The following HBS1L variants were observed in gnomAD, a reference collection of about 807,000 sequenced individuals.
HBS1L encodes HBS1-like protein.
In HBS1L, 55 loss-of-function variants were observed where a neutral mutation model predicts 88.9. The ratio of observed to expected loss-of-function variants is 0.62; its 90% CI spans 0.50 to 0.77. HBS1L has a LOEUF of 0.77. HBS1L is among the 30% of genes least tolerant of loss of function. HBS1L has a pLI of 0.00. For synonymous variants in HBS1L, 267 were observed against 288.5 expected (o/e 0.93, Z 0.76); for missense variants, 741 against 829.3 (o/e 0.89, Z 1.31).
At chr6:135,036,948 T>C (rs1377767060) in intron 4 of HBS1L, 1 of 1,551,508 alleles carries the variant, frequency 6.4e-7, no homozygotes, top group Admixed American at 2.0e-5. Flanking sequence ...CTACAGGCTT[T>C]GGAACAAAAT....
At chr6:134,975,352 G>A (rs77048658) in intron 15 of HBS1L, among the ~76,000 whole-genome samples, 5,493 of 152,042 alleles carry the variant, frequency 0.036, 346 homozygotes, top group African/African-American at 0.13. Flanking sequence ...CTACAGATTT[G>A]GTGCAAATCC....
rs143108150 is a variant in HBS1L, at chr6:135,021,843, C to A, written c.430+17730G>T. 4.8e-3 allele frequency among the ~76,000 whole-genome samples: 735 copies of A among 152,138 alleles called. 4 individuals are homozygous for A. The highest frequency in any genetic ancestry group is 7.8e-3 in the Non-Finnish European group (531 of 67,974). ...CTCACCTTAAAGGTTCTTATAATGA[C>A]CAAATAAAACATATACAAAGCCTGA... On this transcript the variant is annotated intron_variant, in intron 4 of 17. Transcript: ENST00000367837.
At position 135,039,659 on chromosome 6, in the gene HBS1L, G is replaced by A. The variant is rs758435155; in HGVS notation, c.344C>T (p.Ala115Val). 6.8e-6 allele frequency: 11 copies of A among 1,614,072 alleles called. No individual in the cohort carries two copies. The highest frequency in any genetic ancestry group is 6.8e-6 in the Non-Finnish European group (8 of 1,179,996). Reference sequence around the variant, plus strand: ...ATCTTGTTCCAGAACCCCTGACAAAGCCTTCTGCACATCAAACTTGTTCTT... The same window carrying A: ...ATCTTGTTCCAGAACCCCTGACAAAACCTTCTGCACATCAAACTTGTTCTT... Reference protein sequence around the residue: ...VLKNKFDVQKALSGVLEQDRV... With the variant: ...VLKNKFDVQKVLSGVLEQDRV... Residue 115 changes from alanine (A) to valine (V), a missense_variant, in exon 4 of 18, where the codon GCT (alanine) becomes GTT (valine). This residue lies in a region of HBS1L where 556 missense variants were observed against 598.4 expected (regional missense o/e 0.93). Transcript: ENST00000367837.
At chr6:135,050,709 G>T in intron 1 of HBS1L, 62 bp from the exon 2 acceptor site, 2 of 1,029,478 alleles carry the variant, frequency 1.9e-6, no homozygotes, top group Non-Finnish European at 2.9e-6. Flanking sequence ...TTAGTTACTA[G>T]TGAGGAAGCA....
At chr6:135,020,296 G>C (rs535580391) in intron 4 of HBS1L, among the ~76,000 whole-genome samples, 2 of 151,982 alleles carry the variant, frequency 1.3e-5, no homozygotes, top group Non-Finnish European at 3.0e-5. Context: ...TAAGTTCAAT[G>C]ATCATTTCCT....
At chr6:135,006,983 T>G (rs2114826040) in intron 4 of HBS1L, among the ~76,000 whole-genome samples, 1 of 152,288 alleles carries the variant, frequency 6.6e-6, no homozygotes, top group African/African-American at 2.4e-5. Flanking sequence ...CTGTTATAGT[T>G]CATCTTAGTA....
intron 12 of HBS1L, 83 bp downstream of exon 12, chr6:134,985,258 C>A: frequency 1.2e-6 from 1 of 801,288 alleles, no homozygotes; most frequent in South Asian, 2.0e-5. Context: ...AATATACTGT[C>A]ATAACTTAGT....
intron 5 of HBS1L, among the ~76,000 whole-genome samples, chr6:134,998,196 A>G (rs1467210234): frequency 2.0e-5 from 3 of 152,240 alleles, no homozygotes; most frequent in Admixed American, 2.0e-4. Context: ...TTGATTTATT[A>G]AAAACTACAA....
At chr6:135,018,831 T>A (rs1384417487) in intron 4 of HBS1L, among the ~76,000 whole-genome samples, 1 of 151,894 alleles carries the variant, frequency 6.6e-6, no homozygotes, top group Non-Finnish European at 1.5e-5. Flanking sequence ...CATTCTGCCC[T>A]AGGACTTCTC....
At chr6:135,051,092 GAC>G (rs1343700880) in intron 1 of HBS1L, among the ~76,000 whole-genome samples, 88 of 152,194 alleles carry the variant, frequency 5.8e-4, no homozygotes, top group African/African-American at 1.4e-3. Flanking sequence ...TAGACATGGT[GAC>G]GTGCACCTGT....
chr6:134,983,871 C>G (rs9373119), intron 12 of HBS1L, among the ~76,000 whole-genome samples: 144,676 of 152,274 alleles, frequency 0.95, 68,836 homozygotes, highest in East Asian at 1. Flanking sequence ...CAGAGATAGA[C>G]AGGTCAGAGA....
rs183084501 is a variant in HBS1L, at chr6:135,002,842, C to T, written c.431G>A (p.Gly144Glu). Residue 144 changes from glycine (G) to glutamate (E), a missense_variant and splice_region_variant, in exon 5 of 18, where the codon GGA (glycine) becomes GAA (glutamate). Transcript: ENST00000367837. Reference protein sequence around the residue: ...ATVSTGKIAKGKPVDSQTSRS... With the variant: ...ATVSTGKIAKEKPVDSQTSRS... ...CGATGTCTGGGAATCTACTGGTTTT[C>T]CTAGTTAAGGAGTAAAATATAAAAG... The T allele has an allele frequency of 4.4e-4, 708 of 1,604,296 alleles. 6 individuals are homozygous for T. The East Asian group carries it at 0.01, about 23-fold the overall frequency.
intron 4 of HBS1L, among the ~76,000 whole-genome samples, chr6:135,006,259 G>A (rs1391738576): frequency 1.3e-5 from 2 of 152,224 alleles, no homozygotes; most frequent in Non-Finnish European, 2.9e-5. Flanking sequence ...AAAGCAGAGG[G>A]ATCTGTAAGT....
intron 4 of HBS1L, among the ~76,000 whole-genome samples, chr6:135,012,081 T>C (rs1023574026): frequency 1.3e-5 from 2 of 152,098 alleles, no homozygotes; most frequent in African/African-American, 2.4e-5. Flanking sequence ...ATATGGCCTA[T>C]AGAAACATTA....
At chr6:135,008,061 C>T (rs1445275352) in intron 4 of HBS1L, among the ~76,000 whole-genome samples, 3 of 152,180 alleles carry the variant, frequency 2.0e-5, no homozygotes, top group South Asian at 2.1e-4. Context: ...TTTAAATCAA[C>T]TAGCCCACTA....
chr6:135,002,744 CA>C lies in HBS1L; in HGVS notation c.528del (p.Phe176LeufsTer60). ...TVSGKKQTMG[F>X]EVPGVSSEEN... ...TACTCAAAGTCTTACCCAGGCACTT[CA>C]AATCCCATAGTTTGCTTCTTTCCAG... On this transcript the variant is annotated frameshift_variant, in exon 5 of 18. Coordinates refer to ENST00000367837, the MANE Select transcript of HBS1L (RefSeq NM_006620.4). LOFTEE classifies it high-confidence loss of function. The C allele has an allele frequency of 6.2e-7, 1 of 1,610,068 alleles. No homozygotes were observed. The highest frequency in any genetic ancestry group is 8.5e-7 in the Non-Finnish European group (1 of 1,176,600).
At chr6:134,970,540 T>C (rs1408913739) in intron 15 of HBS1L, among the ~76,000 whole-genome samples, 2 of 152,218 alleles carry the variant, frequency 1.3e-5, no homozygotes, top group Admixed American at 1.3e-4. Context: ...GCCTGGCACA[T>C]GGCAAGCATT....
intron 16 of HBS1L, among the ~76,000 whole-genome samples, chr6:134,967,112 A>G (rs901650884): frequency 4.6e-5 from 7 of 152,222 alleles, no homozygotes; most frequent in Admixed American, 4.6e-4. Flanking sequence ...AAGACAGGGC[A>G]TGGACCAGAC....
intron 4 of HBS1L, among the ~76,000 whole-genome samples, chr6:135,015,356 A>C (rs1406547708): frequency 6.6e-6 from 1 of 152,150 alleles, no homozygotes; most frequent in Non-Finnish European, 1.5e-5. Flanking sequence ...ATGAAAATTT[A>C]AGTGAGATTC....
Sources: gnomAD v4.1 joint callset for allele counts (sites outside exome capture counted in the v4.1 genomes callset) on GRCh38, gnomAD v4.1.1 for gene constraint, gnomAD v4.1.1 regional missense constraint, MANE v1.5 for transcripts, NCBI Gene and HGNC (gene_info 2026-07-23, HGNC 2026-07-21) for gene names.